Variants in HS3ST2 observed in about 807,000 individuals in gnomAD.
The protein encoded by HS3ST2 is heparan sulfate-glucosamine 3-sulfotransferase 2, also known as heparan sulfate glucosamine 3-O-sulfotransferase 2.
Under a neutral mutation model 26.3 loss-of-function variants are expected in HS3ST2, and 17 were observed. The observed-to-expected ratio is 0.65, with a 90% CI of 0.44 to 0.97. HS3ST2 has a LOEUF of 0.97. Ranked by LOEUF, HS3ST2 falls within the 50% of genes least tolerant of loss-of-function variation. The probability of loss-of-function intolerance (pLI) is 0.00; values close to 1 mark genes in which losing one functional copy is unlikely to be tolerated. For missense variants in HS3ST2, 402 were observed against 501.2 expected, an observed-to-expected ratio of 0.80 and a Z score of 1.89; for synonymous variants, 237 against 219.2, an observed-to-expected ratio of 1.08 and a Z score of -0.72.
intron 1 of HS3ST2, among the ~76,000 whole-genome samples, chr16:22,851,195 G>A (rs1901513870): frequency 1.3e-5 from 2 of 152,210 alleles, no homozygotes; most frequent in African/African-American, 2.4e-5. Flanking sequence ...TAGATTCAAG[G>A]GAAGGGGAAT....
At chr16:22,840,073 G>T (rs767634998) in intron 1 of HS3ST2, among the ~76,000 whole-genome samples, 18 of 152,356 alleles carry the variant, frequency 1.2e-4, no homozygotes, top group Non-Finnish European at 2.5e-4. Context: ...AGCTGGAATT[G>T]TGGTGCAAAG....
chr16:22,907,051 G>C (rs1902366304), intron 1 of HS3ST2, among the ~76,000 whole-genome samples: 1 of 152,232 alleles, frequency 6.6e-6, no homozygotes, highest in Non-Finnish European at 1.5e-5. Context: ...CAGAGGGTGT[G>C]TGTGACTTTT....
chr16:22,887,670 G>T (rs1044602780), intron 1 of HS3ST2, among the ~76,000 whole-genome samples: 1 of 152,094 alleles, frequency 6.6e-6, no homozygotes, highest in Non-Finnish European at 1.5e-5. Flanking sequence ...CTCACATGAT[G>T]AAGGCTGTGA....
chr16:22,837,658 C>CA (rs1159713795), intron 1 of HS3ST2, among the ~76,000 whole-genome samples: 2 of 150,644 alleles, frequency 1.3e-5, no homozygotes, highest in Admixed American at 1.3e-4. Flanking sequence ...TATGCACACA[C>CA]ACGTATCTAT....
chr16:22,858,094 AT>A (rs10713607), intron 1 of HS3ST2, among the ~76,000 whole-genome samples: 55,113 of 151,780 alleles, frequency 0.36, 10,986 homozygotes, highest in East Asian at 0.55. Context: ...GCTCTTAGGC[AT>A]TTTAGAAAGA....
At chr16:22,852,061 G>GT (rs1427361089) in intron 1 of HS3ST2, among the ~76,000 whole-genome samples, 3 of 152,272 alleles carry the variant, frequency 2.0e-5, no homozygotes, top group East Asian at 3.9e-4. Context: ...GACTGAAAGT[G>GT]TTTTTTCCTA....
rs1361510925 is a variant in HS3ST2 at position 22,814,491 on chromosome 16, G to T, written c.-120G>T. The T allele has an allele frequency of 4.6e-5, 56 of 1,208,696 alleles. No individual in the cohort carries two copies. The highest frequency in any genetic ancestry group is 1.0e-4 in the Admixed American group (3 of 29,212). The allele number at this position is 1,208,696 out of a possible 1,614,324, so 74.9% of individuals were successfully genotyped here. A position where few individuals can be genotyped will look rare whatever the true frequency, so the allele number is the denominator to read the frequency against. On this transcript the variant is annotated 5_prime_UTR_variant, in exon 1 of 2. Transcript: ENST00000261374. ...CCCCGGAGAAGACGGCGCCCCCAACGCCCGACCCGCGTGGCCGTGGCAGCG... is the reference window on the plus strand; with the variant it reads ...CCCCGGAGAAGACGGCGCCCCCAACTCCCGACCCGCGTGGCCGTGGCAGCG...
intron 1 of HS3ST2, among the ~76,000 whole-genome samples, chr16:22,893,732 A>G (rs1902165328): frequency 6.7e-6 from 1 of 150,010 alleles, no homozygotes; most frequent in Non-Finnish European, 1.5e-5. Context: ...ACCGAACACC[A>G]CATGTTCTCA....
At chr16:22,849,654 A>G (rs2238483) in intron 1 of HS3ST2, among the ~76,000 whole-genome samples, 40,360 of 152,034 alleles carry the variant, frequency 0.27, 7,032 homozygotes, top group African/African-American at 0.49. Context: ...TCACAGAAAA[A>G]GAAAAGGAAT....
chr16:22,839,616 G>A (rs1226417357), intron 1 of HS3ST2, among the ~76,000 whole-genome samples: 1 of 150,596 alleles, frequency 6.6e-6, no homozygotes, highest in Non-Finnish European at 1.5e-5. Context: ...GATATTGTAT[G>A]CTTTTTTTTT....
At chr16:22,825,729 A>G (rs1901074683) in intron 1 of HS3ST2, among the ~76,000 whole-genome samples, 1 of 152,212 alleles carries the variant, frequency 6.6e-6, no homozygotes, top group South Asian at 2.1e-4. Context: ...GTCGAATCAC[A>G]AAATAAAGTG....
chr16:22,901,360 G>A (rs539572698), intron 1 of HS3ST2, among the ~76,000 whole-genome samples: 2 of 152,190 alleles, frequency 1.3e-5, no homozygotes, highest in African/African-American at 2.4e-5. Flanking sequence ...GGTGGCCCAA[G>A]GAGCAGCAAG....
chr16:22,896,698 G>A (rs1157260073), intron 1 of HS3ST2, among the ~76,000 whole-genome samples: 1 of 152,076 alleles, frequency 6.6e-6, no homozygotes, highest in Non-Finnish European at 1.5e-5. Context: ...TTTGGTACTA[G>A]CTTACTTCAC....
At chr16:22,838,528 G>T (rs765668979) in intron 1 of HS3ST2, among the ~76,000 whole-genome samples, 4 of 152,134 alleles carry the variant, frequency 2.6e-5, no homozygotes, top group Non-Finnish European at 4.4e-5. Context: ...CCAGGTGTAT[G>T]GTAGCTGAAT....
At chr16:22,829,094 T>C (rs1901132463) in intron 1 of HS3ST2, among the ~76,000 whole-genome samples, 2 of 152,200 alleles carry the variant, frequency 1.3e-5, no homozygotes, top group Non-Finnish European at 2.9e-5. Flanking sequence ...TCTGAGCACC[T>C]CCTTCTATCC....
At chr16:22,839,947 C>T (rs1192809786) in intron 1 of HS3ST2, among the ~76,000 whole-genome samples, 2 of 152,162 alleles carry the variant, frequency 1.3e-5, no homozygotes, top group Non-Finnish European at 1.5e-5. Flanking sequence ...TAAATGGTCA[C>T]ATTCTGGAAA....
chr16:22,878,605 AG>A (rs1414287343), intron 1 of HS3ST2, among the ~76,000 whole-genome samples: 2 of 147,866 alleles, frequency 1.4e-5, no homozygotes, highest in Non-Finnish European at 3.0e-5. Flanking sequence ...GGGGCCTAAC[AG>A]GGTCAAAAAA....
At chr16:22,861,753 G>A (rs999410850) in intron 1 of HS3ST2, among the ~76,000 whole-genome samples, 1 of 152,122 alleles carries the variant, frequency 6.6e-6, no homozygotes, top group East Asian at 1.9e-4. Context: ...TATGGCTGCT[G>A]CAATCCTCTG....
chr16:22,877,498 G>A (rs1901936863), intron 1 of HS3ST2, among the ~76,000 whole-genome samples: 1 of 152,190 alleles, frequency 6.6e-6, no homozygotes, highest in South Asian at 2.1e-4. Flanking sequence ...GCAGAGTGGA[G>A]GATGCATGTC....
Sources: allele counts gnomAD v4.1 joint callset (sites outside exome capture counted in the v4.1 genomes callset), GRCh38; gene constraint gnomAD v4.1.1; transcripts MANE v1.5; gene names NCBI Gene and HGNC (gene_info 2026-07-23, HGNC 2026-07-21).